Variants in DNAAF1 observed in about 807,000 individuals in gnomAD.
The protein encoded by DNAAF1 is dynein assembly factor 1, axonemal.
In DNAAF1, 65 loss-of-function variants were observed where a neutral mutation model predicts 71.1. The observed-to-expected ratio is 0.91, with a 90% CI of 0.75 to 1.12. The LOEUF is 1.12. Ranked by LOEUF, DNAAF1 falls within the 50% of genes most tolerant of loss-of-function variation. The probability of loss-of-function intolerance (pLI) is 0.00; values close to 1 mark genes in which losing one functional copy is unlikely to be tolerated. For synonymous variants in DNAAF1, 414 were observed against 354.6 expected (o/e 1.17, Z -1.88); for missense variants, 1,178 against 899.8 (o/e 1.31, Z -3.96).
chr16:84,148,886 A>AGCC, intron 1 of DNAAF1, 121 bp from the exon 2 acceptor site: 1 of 1,168,128 alleles, frequency 8.6e-7, no homozygotes, highest in South Asian at 1.3e-5. Context: ...CACCATACCC[A>AGCC]GCCACTAAAG....
chr16:84,153,342 A>G (rs1567539272), intron 3 of DNAAF1, among the ~76,000 whole-genome samples: 1 of 152,206 alleles, frequency 6.6e-6, no homozygotes, highest in Non-Finnish European at 1.5e-5. Flanking sequence ...CATGGCACAC[A>G]TTTACCTATG....
chr16:84,173,201 C>T (rs371448655), intron 9 of DNAAF1: 47 of 984,634 alleles, frequency 4.8e-5, no homozygotes, highest in East Asian at 4.5e-4. Flanking sequence ...TGGTGGCTTA[C>T]GCCTGTAATC....
At position 84,176,102 on chromosome 16, in the gene DNAAF1, A is replaced by ATGCCCTTAG. The variant is rs1229973076; in HGVS notation, c.1868_1869insTGCCCTTAG (p.Asp623_Ile624insAlaLeuSer). ...AAGGCGGCTCGGGTGCCCTTCACAG[A>ATGCCCTTAG]CATCTTTAAAAAAGAAGCTAAGAGG... is the stretch of plus-strand genomic sequence containing the variant. On this transcript the variant is annotated inframe_insertion, in exon 11 of 12. Transcript: ENST00000378553. 1 of 1,613,932 alleles carries ATGCCCTTAG rather than the reference A, an allele frequency of 6.2e-7. No homozygotes were observed. The highest frequency in any genetic ancestry group is 8.5e-7 in the Non-Finnish European group (1 of 1,179,942).
At chr16:84,149,774 C>G (rs548528963) in intron 2 of DNAAF1, among the ~76,000 whole-genome samples, 1 of 151,566 alleles carries the variant, frequency 6.6e-6, no homozygotes, top group East Asian at 1.9e-4. Context: ...CCTGTAATCC[C>G]AGTACTTTGG....
chr16:84,175,931 A>G lies in DNAAF1; in HGVS notation c.1699-2A>G. ...TTCAGACACCTTTTCTTCTGTAAAT[A>G]GAATATGTGCTTTCCGAAGATTGAG... On this transcript the variant is annotated splice_acceptor_variant, in intron 10 of 11. Coordinates refer to ENST00000378553, the MANE Select transcript of DNAAF1 (RefSeq NM_178452.6). LOFTEE classifies it high-confidence loss of function. 6.2e-7 allele frequency: 1 copy of G among 1,614,090 alleles called. No homozygotes were observed. The highest frequency in any genetic ancestry group is 1.3e-5 in the African/African-American group (1 of 75,042).
chr16:84,149,722 T>G (rs970429464), intron 2 of DNAAF1, among the ~76,000 whole-genome samples: 1 of 147,280 alleles, frequency 6.8e-6, no homozygotes, highest in Non-Finnish European at 1.5e-5. Flanking sequence ...TACATTGCAA[T>G]TTTTAAGAAT....
chr16:84,174,204 C>T (rs1402251671), intron 9 of DNAAF1: 54 of 1,027,260 alleles, frequency 5.3e-5, no homozygotes, highest in Non-Finnish European at 5.7e-5. Flanking sequence ...TCCCCAACCA[C>T]GCACTGGTTG....
chr16:84,156,784 T>A (rs2087446749), intron 5 of DNAAF1, among the ~76,000 whole-genome samples: 1 of 152,122 alleles, frequency 6.6e-6, no homozygotes, highest in South Asian at 2.1e-4. Flanking sequence ...AGGATCAATG[T>A]TTGACCCTTT....
rs138571254 is a variant in DNAAF1 at position 84,176,487 on chromosome 16, G to T, written c.2065+188G>T. On this transcript the variant is annotated intron_variant, in intron 11 of 11. Coordinates refer to ENST00000378553, the MANE Select transcript of DNAAF1 (RefSeq NM_178452.6). Reference sequence around the variant, plus strand: ...CACGGGTCTGAAGCTGCCACTTGCTGGTAGCCAGCCTGGGCCAGGAAGCCA... The same window carrying T: ...CACGGGTCTGAAGCTGCCACTTGCTTGTAGCCAGCCTGGGCCAGGAAGCCA... The T allele has an allele frequency of 1.1e-5, 10 of 936,494 alleles. No individual in the cohort carries two copies. In the Admixed American group the frequency reaches 2.2e-4, roughly 21 times the overall value. The allele number at this position is 936,494 out of a possible 1,614,324, so 58.0% of individuals were successfully genotyped here.
At chr16:84,157,110 C>T (rs2087476422) in intron 5 of DNAAF1, among the ~76,000 whole-genome samples, 1 of 152,034 alleles carries the variant, frequency 6.6e-6, no homozygotes, top group Non-Finnish European at 1.5e-5. Context: ...ACCTGGCAAC[C>T]TCTCATGGTG....
chr16:84,161,823 C>T (rs767905802), intron 6 of DNAAF1, among the ~76,000 whole-genome samples: 1 of 152,022 alleles, frequency 6.6e-6, no homozygotes, highest in Non-Finnish European at 1.5e-5. Context: ...CTTGATGTCT[C>T]TTCGGCCTGA....
chr16:84,173,256 G>A (rs2088462531), intron 9 of DNAAF1: 6 of 869,604 alleles, frequency 6.9e-6, no homozygotes, highest in Non-Finnish European at 8.3e-6. Context: ...GAGGTCAGGA[G>A]ATCGAGACCA....
At chr16:84,175,333 G>C (rs1159387280) in intron 10 of DNAAF1, 1 of 177,212 alleles carries the variant, frequency 5.6e-6, no homozygotes, top group African/African-American at 2.4e-5. Context: ...TCCATCCTAT[G>C]AATGTCTGTC....
chr16:84,163,462 C>G (rs1483407817), intron 6 of DNAAF1, among the ~76,000 whole-genome samples: 2 of 151,658 alleles, frequency 1.3e-5, no homozygotes, highest in Non-Finnish European at 2.9e-5. Flanking sequence ...CTCACTGCAA[C>G]CTCTGTCTCC....
chr16:84,167,117 C>G (rs1330109920), intron 7 of DNAAF1, among the ~76,000 whole-genome samples: 1 of 152,186 alleles, frequency 6.6e-6, no homozygotes, highest in Non-Finnish European at 1.5e-5. Context: ...TCCCATGACC[C>G]TCTCTTTGGG....
chr16:84,162,778 C>T (rs2087774921), intron 6 of DNAAF1, among the ~76,000 whole-genome samples: 1 of 151,970 alleles, frequency 6.6e-6, no homozygotes, highest in African/African-American at 2.4e-5. Context: ...AAGATCACGC[C>T]ACTGCACTCC....
rs1055127534 is a variant in DNAAF1 at position 84,161,215 on chromosome 16, C to G, written c.863+1419C>G. On this transcript the variant is annotated intron_variant, in intron 6 of 11. Transcript: ENST00000378553. ...GAGCGCCTGTGAGCAACATGCAGGA[C>G]TCCGAGCAGGTGCTGGGCTCCTAGG... Among the ~76,000 whole-genome samples, 5 of 152,194 alleles carry G rather than the reference C, an allele frequency of 3.3e-5. No homozygotes were observed. In the East Asian group the frequency reaches 7.7e-4, roughly 23 times the overall value.
intron 4 of DNAAF1, among the ~76,000 whole-genome samples, chr16:84,155,267 C>T (rs2087372974): frequency 6.6e-6 from 1 of 152,126 alleles, no homozygotes; most frequent in African/African-American, 2.4e-5. Flanking sequence ...CTTGCTCTGT[C>T]ACCCAGGCTG....
At chr16:84,146,515 G>C (rs1340198773) in intron 1 of DNAAF1, among the ~76,000 whole-genome samples, 1 of 152,130 alleles carries the variant, frequency 6.6e-6, no homozygotes, top group Non-Finnish European at 1.5e-5. Flanking sequence ...TCAGGAGTTC[G>C]AGACCAGTCT....
Sources: allele counts gnomAD v4.1 joint callset (sites outside exome capture counted in the v4.1 genomes callset), GRCh38; gene constraint gnomAD v4.1.1; transcripts MANE v1.5; gene names NCBI Gene and HGNC (gene_info 2026-07-23, HGNC 2026-07-21).